LCK: variants seen among roughly 807,000 people sequenced by gnomAD.
LCK encodes LCK proto-oncogene, Src family tyrosine kinase.
In LCK, 14 loss-of-function variants were observed where a neutral mutation model predicts 64.6. The observed-to-expected ratio is 0.22, with a 90% CI of 0.14 to 0.34. The LOEUF (loss-of-function observed/expected upper bound fraction) is 0.34, where lower values mean the gene tolerates loss of function less well. Ranked by LOEUF, LCK falls within the 10% of genes least tolerant of loss-of-function variation. LCK has a pLI of 1.00. For missense variants in LCK, 434 were observed against 668.1 expected, an observed-to-expected ratio of 0.65 and a Z score of 3.86; for synonymous variants, 277 against 263.6, an observed-to-expected ratio of 1.05 and a Z score of -0.49.
At chr1:32,282,230 G>T (rs1236142120) in intron 12 of LCK, among the ~76,000 whole-genome samples, 2 of 152,134 alleles carry the variant, frequency 1.3e-5, no homozygotes, top group African/African-American at 2.4e-5. Context: ...CTCCTTCCCG[G>T]TTCCCACAGA....
In LCK at chr1:32,276,300, C is replaced by G; in HGVS notation, c.632-37C>G. 6.5e-7 allele frequency: 1 copy of G among 1,532,178 alleles called. No individual in the cohort carries two copies. The highest frequency in any genetic ancestry group is 1.3e-5 in the South Asian group (1 of 78,538). 94.9% of individuals were successfully genotyped at this position (1,532,178 alleles called of 1,614,324 possible). On this transcript the variant is annotated intron_variant, in intron 7 of 12. Coordinates refer to ENST00000336890, the MANE Select transcript of LCK (RefSeq NM_005356.5). The surrounding 1 kb of genome is among the most constrained non-coding windows in gnomAD (Gnocchi z 4.6). ...GAGGTGGTGTCAATACGAGGCCTGC[C>G]CTATTGACAGCCTTCACCCCTCCCT...
In LCK at chr1:32,265,420, C is replaced by A. The variant is rs139672850; in HGVS notation, c.-5-8905C>A. Among the ~76,000 whole-genome samples the A allele has an allele frequency of 2.0e-4, 31 of 152,334 alleles. No individual in the cohort carries two copies. The East Asian group carries it at 6.0e-3, about 29-fold the overall frequency. ...GGCATTGCCAGATCCTATGGACTTA[C>A]GATTGCTGCCAGGCCCTATCCTCCA... is the stretch of plus-strand genomic sequence containing the variant. On this transcript the variant is annotated intron_variant, in intron 1 of 12. Transcript: ENST00000336890.
At chr1:32,262,096 C>T (rs1048712506) in intron 1 of LCK, among the ~76,000 whole-genome samples, 2 of 145,610 alleles carry the variant, frequency 1.4e-5, no homozygotes, top group Non-Finnish European at 3.0e-5. Context: ...GTTGGCCAGG[C>T]TGGTCTCAAA....
In LCK at chr1:32,276,326, C is replaced by T. The variant is rs1490173195; in HGVS notation, c.632-11C>T. 1.3e-6 allele frequency: 2 copies of T among 1,551,214 alleles called. No homozygotes were observed. Among genetic ancestry groups the T allele is most frequent in the Non-Finnish European group, 1.7e-6 (2 of 1,151,372 alleles). ...CTATTGACAGCCTTCACCCCTCCCT[C>T]GTCCTCGCAGATGCTTCAGATGGGC... On this transcript the variant is annotated splice_polypyrimidine_tract_variant and intron_variant, in intron 7 of 12. Transcript: ENST00000336890. The surrounding 1 kb of genome is among the most constrained non-coding windows in gnomAD (Gnocchi z 4.6).
intron 1 of LCK, among the ~76,000 whole-genome samples, chr1:32,252,173 G>C (rs953893024): frequency 1.3e-5 from 2 of 152,132 alleles, no homozygotes; most frequent in Admixed American, 1.3e-4. Context: ...GGGTGCAGTT[G>C]GTCCTGGGTG....
intron 1 of LCK, among the ~76,000 whole-genome samples, chr1:32,270,949 G>A (rs367938159): frequency 9.4e-5 from 14 of 149,584 alleles, no homozygotes; most frequent in East Asian, 7.9e-4. Flanking sequence ...TGACCCACCC[G>A]CCTTGGCCTC....
rs769883592 is a variant in LCK at position 32,275,418 on chromosome 1, C to A, written c.376C>A (p.Pro126Thr). The change falls in exon 5 of 13, where the codon CCC (proline) becomes ACC (threonine). Residue 126 changes from proline (P) to threonine (T), a missense_variant and splice_region_variant. By Grantham distance (38) the Pro-to-Thr change is conservative (BLOSUM62 -1). Coordinates refer to ENST00000336890, the MANE Select transcript of LCK (RefSeq NM_005356.5). This position sits in a 1 kb window ranked among gnomAD's most constrained non-coding sequence, Gnocchi z 6.9. ...CAAAGCGAACAGCCTGGAGCCCGAA[C>A]CGTAAGTGGGGACCCGTCGTGGGGG... Reference protein sequence around the residue: ...VAKANSLEPEPWFFKNLSRKD... With the variant: ...VAKANSLEPETWFFKNLSRKD... 28 of 1,614,056 alleles carry A rather than the reference C, an allele frequency of 1.7e-5. No homozygotes were observed. In the South Asian group the frequency reaches 2.7e-4, roughly 16 times the overall value.
At chr1:32,281,229 G>A (rs1186651711) in intron 12 of LCK, among the ~76,000 whole-genome samples, 1 of 144,146 alleles carries the variant, frequency 6.9e-6, no homozygotes, top group African/African-American at 2.6e-5. Flanking sequence ...AATAGACCAA[G>A]ACCCTGTCTC....
At position 32,276,186 on chromosome 1, in the gene LCK, C is replaced by A. The variant is rs1185881257; in HGVS notation, c.631+123C>A. 5 of 1,456,492 alleles carry A rather than the reference C, an allele frequency of 3.4e-6. No homozygotes were observed. The African/African-American group carries it at 7.0e-5, about 20-fold the overall frequency. The allele number at this position is 1,456,492 out of a possible 1,614,324, so 90.2% of individuals were successfully genotyped here. A position where few individuals can be genotyped will look rare whatever the true frequency, so the allele number is the denominator to read the frequency against. On this transcript the variant is annotated intron_variant, in intron 7 of 12. Transcript: ENST00000336890. This position sits in a 1 kb window ranked among gnomAD's most constrained non-coding sequence, Gnocchi z 4.6. ...TCCCCGCAGTGGGTGAGGTGTGGAA[C>A]CTGACCCTACGGCCCCAAGTGTTTG... is the stretch of plus-strand genomic sequence containing the variant.
At chr1:32,280,623 T>C (rs918658876) in intron 12 of LCK, among the ~76,000 whole-genome samples, 5 of 151,706 alleles carry the variant, frequency 3.3e-5, no homozygotes, top group Admixed American at 6.6e-5. Flanking sequence ...GCGCAGCTAA[T>C]TTTTTGTATT....
chr1:32,285,456 C>G (rs1373650595), intron 12 of LCK, 58 bp from the exon 13 acceptor site: 1 of 1,471,620 alleles, frequency 6.8e-7, no homozygotes, highest in Non-Finnish European at 9.5e-7. Flanking sequence ...CGAACATTAC[C>G]CTTGCCTGTG....
chr1:32,262,031 G>A lies in LCK; in HGVS notation c.-6+10660G>A, dbSNP rs560039088. The stretch of plus-strand genomic sequence containing the variant: ...CTCAAGTAGCTGGGACTACAGTCAC[G>A]TGCCACCACACCCAGATAATCTTTG... On this transcript the variant is annotated intron_variant, in intron 1 of 12. Coordinates refer to ENST00000336890, the MANE Select transcript of LCK (RefSeq NM_005356.5). 3.9e-4 allele frequency among the ~76,000 whole-genome samples: 57 copies of A among 147,006 alleles called. 1 individual carries two copies. The East Asian group carries it at 0.01, about 27-fold the overall frequency.
At chr1:32,283,226 T>A (rs1569977487) in intron 12 of LCK, among the ~76,000 whole-genome samples, 1 of 148,916 alleles carries the variant, frequency 6.7e-6, no homozygotes. Flanking sequence ...GAGGCGGAGG[T>A]TGCAGTGAGC....
Position 32,285,394 on chromosome 1 carries a change from G to A in LCK, c.1328-120G>A, listed in dbSNP as rs566875758. 7.9e-6 allele frequency: 7 copies of A among 888,420 alleles called. No homozygotes were observed. The African/African-American group carries it at 1.1e-4, about 14-fold the overall frequency. 55.0% of individuals were successfully genotyped at this position (888,420 alleles called of 1,614,324 possible). On this transcript the variant is annotated intron_variant, in intron 12 of 12. Coordinates refer to ENST00000336890, the MANE Select transcript of LCK (RefSeq NM_005356.5). ...CCTCTAGTGTGACCTTACCATTGAT[G>A]AAGACCAAGATTCTTTTGGATTGGT...
intron 1 of LCK, among the ~76,000 whole-genome samples, chr1:32,266,726 T>C (rs1410092651): frequency 7.0e-5 from 1 of 14,380 alleles, no homozygotes. Context: ...CCCCCTCCCC[T>C]TCCCCCTCCT....
intron 1 of LCK, among the ~76,000 whole-genome samples, chr1:32,259,289 T>TAAAAAA (rs10656936): frequency 2.1e-4 from 26 of 124,188 alleles, no homozygotes; most frequent in African/African-American, 7.2e-4. Flanking sequence ...GCTTCTCAGG[T>TAAAAAA]AAAAAAAAAA....
chr1:32,277,059 A>C, intron 9 of LCK: 3 of 211,628 alleles, frequency 1.4e-5, no homozygotes, highest in Non-Finnish European at 1.9e-5. Context: ...AAAATACAAA[A>C]AGTAGCCAGG....
intron 1 of LCK, among the ~76,000 whole-genome samples, chr1:32,267,988 A>T (rs889631638): frequency 6.6e-6 from 1 of 152,060 alleles, no homozygotes; most frequent in African/African-American, 2.4e-5. Flanking sequence ...AGGTGAGGAG[A>T]TTGAGACCAT....
At chr1:32,262,392 T>G (rs1399778559) in intron 1 of LCK, among the ~76,000 whole-genome samples, 2 of 148,776 alleles carry the variant, frequency 1.3e-5, no homozygotes, top group African/African-American at 2.4e-5. Context: ...TCCCAGCTAC[T>G]TGGGAGGCTG....
Sources: gnomAD v4.1 joint callset for allele counts (sites outside exome capture counted in the v4.1 genomes callset) on GRCh38, gnomAD v4.1.1 for gene constraint, Gnocchi (gnomAD v3.1) non-coding constraint, MANE v1.5 for transcripts, NCBI Gene and HGNC (gene_info 2026-07-23, HGNC 2026-07-21) for gene names.